The following PNPLA3 variants were observed in gnomAD, a reference collection of about 807,000 sequenced individuals.
PNPLA3 encodes patatin like domain 3, 1-acylglycerol-3-phosphate O-acyltransferase, also known as 1-acylglycerol-3-phosphate O-acyltransferase PNPLA3.
Under a neutral mutation model 43.1 loss-of-function variants are expected in PNPLA3, and 42 were observed. The observed-to-expected ratio is 0.97, with a 90% CI of 0.76 to 1.26. The LOEUF (loss-of-function observed/expected upper bound fraction) is 1.26, where lower values mean the gene tolerates loss of function less well. PNPLA3 is among the 50% of genes most tolerant of loss of function. The pLI, the probability that PNPLA3 is intolerant of heterozygous loss-of-function variation, is 0.00. For missense variants in PNPLA3, 647 were observed against 621.4 expected (o/e 1.04, Z -0.44); for synonymous variants, 272 against 253.6 (o/e 1.07, Z -0.69).
In PNPLA3 at chr22:43,944,765, G is replaced by T; in HGVS notation, c.1187G>T (p.Arg396Leu). The T allele has an allele frequency of 6.2e-7, 1 of 1,614,194 alleles. No homozygotes were observed. Among genetic ancestry groups the T allele is most frequent in the Non-Finnish European group, 8.5e-7 (1 of 1,180,032 alleles). Residue 396 changes from arginine to leucine, a missense_variant, in exon 8 of 9, where the codon CGA becomes CTA. Coordinates refer to ENST00000216180, the MANE Select transcript of PNPLA3 (RefSeq NM_025225.3). ...LQWVTSQVFT[R>L]VLMCLLPASR... ...TGGGTGACCTCACAGGTGTTCACTC[G>T]AGTGCTGATGTGTCTGCTCCCCGCC...
intron 5 of PNPLA3, among the ~76,000 whole-genome samples, chr22:43,936,184 G>A (rs1051002036): frequency 1.3e-5 from 2 of 152,128 alleles, no homozygotes; most frequent in African/African-American, 4.8e-5. Context: ...GATGCTGGAA[G>A]CAGCATCTGC....
intron 4 of PNPLA3, among the ~76,000 whole-genome samples, chr22:43,934,071 C>T (rs1210892148): frequency 6.6e-6 from 1 of 152,054 alleles, no homozygotes; most frequent in Non-Finnish European, 1.5e-5. Context: ...AATCCCAGCA[C>T]TTTGGGAGGC....
rs541813122 is a variant in PNPLA3, at chr22:43,932,317, A to G, written c.487-561A>G. On this transcript the variant is annotated intron_variant, in intron 3 of 8. Transcript: ENST00000216180. ...TCTGAGGTCCCAGGTTCATTGTTTC[A>G]TTTAAGTCTCAAAAGTCCCTCCAGG... 2.7e-4 allele frequency among the ~76,000 whole-genome samples: 41 copies of G among 152,292 alleles called. No homozygotes were observed. In the South Asian group the frequency reaches 4.8e-3, roughly 18 times the overall value.
At chr22:43,938,950 GT>G (rs1353220132) in intron 6 of PNPLA3, among the ~76,000 whole-genome samples, 1 of 152,192 alleles carries the variant, frequency 6.6e-6, no homozygotes, top group African/African-American at 2.4e-5. Flanking sequence ...TTGAGACAGA[GT>G]CTCACTCTGT....
In PNPLA3 at chr22:43,946,164, C is replaced by T. The variant is rs759020903; in HGVS notation, c.1228C>T (p.Pro410Ser). Residue 410 changes from proline (P) to serine (S), a missense_variant, in exon 9 of 9, where the codon CCA becomes TCA. Pro to Ser is a moderately conservative substitution (Grantham distance 74, BLOSUM62 -1). Coordinates refer to ENST00000216180, the MANE Select transcript of PNPLA3 (RefSeq NM_025225.3). ...CLLPASRSQM[P>S]VSSQQASPCT... ...CTCCATGTGTTTCAGGTCCCAAATG[C>T]CAGTGAGCAGCCAACAGGCCTCCCC... 1.1e-5 allele frequency: 18 copies of T among 1,612,718 alleles called. No homozygotes were observed. In the South Asian group the frequency reaches 1.6e-4, roughly 15 times the overall value.
Position 43,937,329 on chromosome 22 carries a change from T to C in PNPLA3, c.979+57T>C, listed in dbSNP as rs577538122. ...ACCTTGTTTTCTTTCTTGTGCATTA[T>C]GGAGGAAGATGGTACTGCCACATGG... On this transcript the variant is annotated intron_variant, in intron 6 of 8. Transcript: ENST00000216180. 1.9e-5 allele frequency: 28 copies of C among 1,501,020 alleles called. No homozygotes were observed. In the African/African-American group the frequency reaches 3.3e-4, roughly 18 times the overall value. 93.0% of individuals were successfully genotyped at this position (1,501,020 alleles called of 1,614,324 possible).
At chr22:43,945,552 A>G (rs2050057657) in intron 8 of PNPLA3, among the ~76,000 whole-genome samples, 1 of 152,198 alleles carries the variant, frequency 6.6e-6, no homozygotes. Flanking sequence ...ATCAGGAGGT[A>G]TGGCCTCTCT....
In PNPLA3 at chr22:43,931,080, TC is replaced by T. The variant is rs200666567; in HGVS notation, c.487-1796del. On this transcript the variant is annotated intron_variant, in intron 3 of 8. Transcript: ENST00000216180. The stretch of plus-strand genomic sequence containing the variant: ...GGGCGGAGCTTGCAGTGAGCTGAGA[TC>T]CTGCCACTGCACTCCAGCCTGGGCA... 8.5e-3 allele frequency among the ~76,000 whole-genome samples: 1,288 copies of T among 152,138 alleles called. 25 individuals carry two copies. The highest frequency in any genetic ancestry group is 0.029 in the African/African-American group (1,222 of 41,496).
At position 43,946,158 on chromosome 22, in the gene PNPLA3, C is replaced by A. The variant is rs201650776; in HGVS notation, c.1222C>A (p.Gln408Lys). The change falls in exon 9 of 9, where the codon CAA becomes AAA. Residue 408 changes from glutamine to lysine, a missense_variant. Gln to Lys is a moderately conservative substitution (Grantham distance 53). Coordinates refer to ENST00000216180, the MANE Select transcript of PNPLA3 (RefSeq NM_025225.3). ...AACTTCCTCCATGTGTTTCAGGTCCCAAATGCCAGTGAGCAGCCAACAGGC... is the reference window on the plus strand; with the variant it reads ...AACTTCCTCCATGTGTTTCAGGTCCAAAATGCCAGTGAGCAGCCAACAGGC... ...LMCLLPASRSQMPVSSQQASP... is the reference protein window; with the variant it reads ...LMCLLPASRSKMPVSSQQASP... 528 of 1,612,528 alleles carry A rather than the reference C, an allele frequency of 3.3e-4. 1 individual carries two copies. The highest frequency in any genetic ancestry group is 4.2e-4 in the Non-Finnish European group (496 of 1,178,668).
chr22:43,926,016 A>C (rs1458895478), intron 1 of PNPLA3, among the ~76,000 whole-genome samples: 1 of 152,118 alleles, frequency 6.6e-6, no homozygotes, highest in Non-Finnish European at 1.5e-5. Context: ...GGCAGGAGCC[A>C]CTCCCTGGGT....
intron 7 of PNPLA3, 74 bp downstream of exon 7, chr22:43,940,199 T>G: frequency 6.6e-7 from 1 of 1,507,226 alleles, no homozygotes; most frequent in Non-Finnish European, 9.1e-7. Flanking sequence ...TAGATCATGG[T>G]GGCATGTAGT....
Position 43,923,885 on chromosome 22 carries a change from C to T in PNPLA3, c.-27C>T. 1 of 1,484,254 alleles carries T rather than the reference C, an allele frequency of 6.7e-7. No homozygotes were observed. The highest frequency in any genetic ancestry group is 8.9e-7 in the Non-Finnish European group (1 of 1,123,566). 91.9% of individuals were successfully genotyped at this position (1,484,254 alleles called of 1,614,324 possible). ...TCCCGATCCCGACCCAGATCCTAAC[C>T]CGCGCCCCCGCCCCGCCGCCGCCGC... On this transcript the variant is annotated 5_prime_UTR_variant, in exon 1 of 9. Coordinates refer to ENST00000216180, the MANE Select transcript of PNPLA3 (RefSeq NM_025225.3).
chr22:43,944,887 C>A, intron 8 of PNPLA3, 92 bp downstream of exon 8: 1 of 1,149,012 alleles, frequency 8.7e-7, no homozygotes, highest in Non-Finnish European at 1.3e-6. Context: ...GCTGGCTGAA[C>A]ACCAAGCAAG....
chr22:43,934,525 C>A, intron 4 of PNPLA3, 81 bp from the exon 5 acceptor site: 1 of 1,388,286 alleles, frequency 7.2e-7, no homozygotes, highest in Non-Finnish European at 1.0e-6. Flanking sequence ...CTTTGGTGCT[C>A]TCTGCGGTCT....
intron 7 of PNPLA3, among the ~76,000 whole-genome samples, chr22:43,943,849 C>T (rs1414525041): frequency 2.6e-5 from 4 of 151,922 alleles, no homozygotes; most frequent in Admixed American, 6.6e-5. Flanking sequence ...AGTGCAATGT[C>T]GCGATCTCAG....
rs115671299 is a variant in PNPLA3, at chr22:43,930,889, G to A, written c.487-1989G>A. ...GTTGTCAGAACTGGGGGAGTACCAG[G>A]CCGAGGTGGGTGGATCATGAGGTCA... On this transcript the variant is annotated intron_variant, in intron 3 of 8. Coordinates refer to ENST00000216180, the MANE Select transcript of PNPLA3 (RefSeq NM_025225.3). 7.7e-3 allele frequency among the ~76,000 whole-genome samples: 1,171 copies of A among 152,262 alleles called. 15 individuals carry two copies. The highest frequency in any genetic ancestry group is 0.027 in the African/African-American group (1,124 of 41,532).
Position 43,933,104 on chromosome 22 carries a change from G to A in PNPLA3, c.696+17G>A, listed in dbSNP as rs111853433. 2 of 1,609,042 alleles carry A rather than the reference G, an allele frequency of 1.2e-6. No individual in the cohort carries two copies. The highest frequency in any genetic ancestry group is 1.7e-6 in the Non-Finnish European group (2 of 1,176,646). ...GATCTCAAGGTGAGTTGGTGGTGAG[G>A]GGGCAGGTGTTCTGGGGTGCAGCTC... On this transcript the variant is annotated intron_variant, in intron 4 of 8. Transcript: ENST00000216180.
At chr22:43,936,081 T>C (rs909227540) in intron 5 of PNPLA3, among the ~76,000 whole-genome samples, 1 of 152,074 alleles carries the variant, frequency 6.6e-6, no homozygotes, top group Non-Finnish European at 1.5e-5. Context: ...GCTTTAGCAG[T>C]TGGGCAAGGG....
Position 43,925,856 on chromosome 22 carries a change from C to T in PNPLA3, c.188-1079C>T, listed in dbSNP as rs573653038. Among the ~76,000 whole-genome samples, 20 of 152,346 alleles carry T rather than the reference C, an allele frequency of 1.3e-4. No individual in the cohort carries two copies. In the South Asian group the frequency reaches 4.1e-3, roughly 32 times the overall value. On this transcript the variant is annotated intron_variant, in intron 1 of 8. Coordinates refer to ENST00000216180, the MANE Select transcript of PNPLA3 (RefSeq NM_025225.3). ...TTTACACTGGGACAGAATTCAAATG[C>T]AGAGGTCCCAGGAGCCTAAAGTACA...
Sources: allele counts gnomAD v4.1 joint callset (sites outside exome capture counted in the v4.1 genomes callset), GRCh38; gene constraint gnomAD v4.1.1; transcripts MANE v1.5; gene names NCBI Gene and HGNC (gene_info 2026-07-23, HGNC 2026-07-21).